Variants in HDAC9 observed in about 807,000 individuals in gnomAD.
HDAC9 encodes the protein histone deacetylase 9.
A neutral mutation model predicts 139.4 loss-of-function variants in HDAC9; 41 were observed. That is an observed-to-expected ratio of 0.29 (90% CI 0.23 to 0.38). HDAC9 has a LOEUF of 0.38. HDAC9 is among the 10% of genes least tolerant of loss of function. The pLI is 1.00. For missense variants in HDAC9, 1,147 were observed against 1,297.0 expected (o/e 0.88, Z 1.78); for synonymous variants, 517 against 476.2 (o/e 1.09, Z -1.12).
At chr7:18,146,291 A>G (rs1233269697) in intron 1 of HDAC9, among the ~76,000 whole-genome samples, 2 of 152,188 alleles carry the variant, frequency 1.3e-5, no homozygotes, top group Non-Finnish European at 2.9e-5. Flanking sequence ...GTTGAATAGT[A>G]TTCTATAAAT....
chr7:18,475,545 A>G (rs1795050390), intron 1 of HDAC9, among the ~76,000 whole-genome samples: 1 of 152,236 alleles, frequency 6.6e-6, no homozygotes, highest in Non-Finnish European at 1.5e-5. Context: ...TGGACAATAA[A>G]TCAGTACTTT....
chr7:18,337,601 G>A (rs1474358301), intron 1 of HDAC9, among the ~76,000 whole-genome samples: 1 of 151,618 alleles, frequency 6.6e-6, no homozygotes, highest in East Asian at 1.9e-4. Flanking sequence ...TGCTGACTCC[G>A]GCCAGCCTGA....
chr7:18,913,828 G>A (rs1043929352), intron 22 of HDAC9, among the ~76,000 whole-genome samples: 4 of 152,012 alleles, frequency 2.6e-5, no homozygotes, highest in African/African-American at 9.7e-5. Flanking sequence ...ATTGTAAATT[G>A]TAAATTAGCT....
chr7:18,932,847 A>AAAAAGAAAGAAAG (rs1554405254), intron 22 of HDAC9, among the ~76,000 whole-genome samples: 1 of 142,836 alleles, frequency 7.0e-6, no homozygotes, highest in Non-Finnish European at 1.5e-5. Context: ...AAGGAAGGAA[A>AAAAAGAAAGAAAG]AAAAGAAAGA....
intron 14 of HDAC9, among the ~76,000 whole-genome samples, chr7:18,758,101 C>A (rs1467903444): frequency 6.6e-6 from 1 of 152,128 alleles, no homozygotes; most frequent in Non-Finnish European, 1.5e-5. Context: ...TCCTACATCA[C>A]AAATTTCTTT....
intron 13 of HDAC9, among the ~76,000 whole-genome samples, chr7:18,733,470 T>A (rs1004310806): frequency 1.6e-4 from 24 of 151,502 alleles, no homozygotes; most frequent in African/African-American, 5.5e-4. Flanking sequence ...CAAATATATA[T>A]GCTTGAAATT....
intron 17 of HDAC9, among the ~76,000 whole-genome samples, chr7:18,820,834 T>A (rs1419131187): frequency 6.6e-6 from 1 of 152,184 alleles, no homozygotes. Context: ...AAGAGGTGTA[T>A]CATTAGAAAT....
At chr7:18,441,576 G>A (rs190154503) in intron 1 of HDAC9, among the ~76,000 whole-genome samples, 1 of 152,168 alleles carries the variant, frequency 6.6e-6, no homozygotes, top group African/African-American at 2.4e-5. Context: ...GCATAATATA[G>A]ATTGCAAATT....
At chr7:18,969,518 A>G (rs1784110648) in intron 24 of HDAC9, among the ~76,000 whole-genome samples, 1 of 152,220 alleles carries the variant, frequency 6.6e-6, no homozygotes, top group South Asian at 2.1e-4. Context: ...AATGAAAATT[A>G]CTAGGCATGC....
At chr7:18,235,213 G>A (rs915885088) in intron 2 of HDAC9, among the ~76,000 whole-genome samples, 8 of 151,970 alleles carry the variant, frequency 5.3e-5, no homozygotes, top group East Asian at 1.9e-4. Context: ...AAACATTTTT[G>A]TGTGGTATAA....
At chr7:18,285,565 G>T (rs1205234843), upstream of HDAC9, among the ~76,000 whole-genome samples, 1 of 151,900 alleles carries the variant, frequency 6.6e-6, no homozygotes, top group African/African-American at 2.4e-5. Context: ...CCCTGGGAAA[G>T]GTGTACCAAT....
At chr7:18,708,127 G>A (rs1784076465) in intron 12 of HDAC9, among the ~76,000 whole-genome samples, 1 of 152,174 alleles carries the variant, frequency 6.6e-6, no homozygotes, top group East Asian at 1.9e-4. Context: ...ATGGATGTGG[G>A]TGCTGATAAG....
intron 1 of HDAC9, among the ~76,000 whole-genome samples, chr7:18,131,728 G>A (rs1217583389): frequency 6.6e-6 from 1 of 152,140 alleles, no homozygotes; most frequent in Non-Finnish European, 1.5e-5. Flanking sequence ...GAGGGTGAAG[G>A]TGAGGCGGTG....
At chr7:18,190,802 T>C (rs190858874) in intron 2 of HDAC9, among the ~76,000 whole-genome samples, 65 of 152,348 alleles carry the variant, frequency 4.3e-4, no homozygotes, top group Non-Finnish European at 5.0e-4. Context: ...ACAGATTTTT[T>C]GCTTCTCAGA....
intron 8 of HDAC9, among the ~76,000 whole-genome samples, chr7:18,642,001 T>TTC (rs1785774821): frequency 6.6e-6 from 1 of 152,056 alleles, no homozygotes. Flanking sequence ...GGTTTTTCAT[T>TTC]TCTCTGAAGT....
At chr7:18,447,315 A>G (rs1432733435) in intron 1 of HDAC9, among the ~76,000 whole-genome samples, 1 of 152,180 alleles carries the variant, frequency 6.6e-6, no homozygotes, top group African/African-American at 2.4e-5. Context: ...TTACAGAAAC[A>G]CTTATATATC....
chr7:18,409,159 A>G (rs187387857), intron 1 of HDAC9, among the ~76,000 whole-genome samples: 214 of 152,308 alleles, frequency 1.4e-3, no homozygotes, highest in African/African-American at 4.7e-3. Context: ...GGAAGCAAAC[A>G]AATTATGGTA....
intron 1 of HDAC9, among the ~76,000 whole-genome samples, chr7:18,375,488 A>C (rs541656124): frequency 2.6e-4 from 40 of 152,124 alleles, no homozygotes; most frequent in Middle Eastern, 3.4e-3. Context: ...ACAACAACAA[A>C]AAAAAAACAA....
chr7:18,875,579 A>G (rs1218375613), intron 22 of HDAC9, among the ~76,000 whole-genome samples: 1 of 152,190 alleles, frequency 6.6e-6, no homozygotes, highest in African/African-American at 2.4e-5. Context: ...GGTAGTAACT[A>G]TTTTTAACAT....
Sources: gnomAD v4.1 joint callset for allele counts (sites outside exome capture counted in the v4.1 genomes callset) on GRCh38, gnomAD v4.1.1 for gene constraint, MANE v1.5 for transcripts, NCBI Gene and HGNC (gene_info 2026-07-23, HGNC 2026-07-21) for gene names.